The following CACNB2 variants were observed in gnomAD, a reference collection of about 807,000 sequenced individuals.
The protein encoded by CACNB2 is voltage-dependent L-type calcium channel subunit beta-2.
A neutral mutation model predicts 73.3 loss-of-function variants in CACNB2; 42 were observed. That is an observed-to-expected ratio of 0.57 (90% CI 0.45 to 0.74). The LOEUF (loss-of-function observed/expected upper bound fraction) is 0.74. CACNB2 is among the 30% of genes least tolerant of loss of function. The probability of loss-of-function intolerance (pLI) is 0.00; values close to 1 mark genes in which losing one functional copy is unlikely to be tolerated. For synonymous variants in CACNB2, 348 were observed against 310.3 expected, an observed-to-expected ratio of 1.12 and a Z score of -1.28; for missense variants, 940 against 853.0, an observed-to-expected ratio of 1.10 and a Z score of -1.27.
chr10:18,181,761 CA>C (rs1385293655), intron 2 of CACNB2: 4 of 150,942 alleles, frequency 2.7e-5, no homozygotes, highest in African/African-American at 9.8e-5. Context: ...ACTATGGGCG[CA>C]TGCAACTATA....
At chr10:18,225,716 G>A (rs558331845) in intron 2 of CACNB2, among the ~76,000 whole-genome samples, 106 of 151,468 alleles carry the variant, frequency 7.0e-4, no homozygotes, top group South Asian at 2.1e-4. Flanking sequence ...CATAGCTCAC[G>A]GCAACCTCCA....
intron 2 of CACNB2, among the ~76,000 whole-genome samples, chr10:18,241,924 T>C (rs1417105479): frequency 6.6e-6 from 1 of 152,114 alleles, no homozygotes; most frequent in Admixed American, 6.6e-5. Context: ...ATCTTGGTTA[T>C]ATTCAAGTCA....
At chr10:18,240,307 A>G (rs1041570251) in intron 2 of CACNB2, among the ~76,000 whole-genome samples, 3 of 152,160 alleles carry the variant, frequency 2.0e-5, no homozygotes, top group East Asian at 1.9e-4. Context: ...ATCGCTAAAC[A>G]TCTTTTCTTC....
chr10:18,539,634 G>A lies in CACNB2; in HGVS notation c.1893G>A (p.Lys631=), dbSNP rs757610366. The A allele has an allele frequency of 3.1e-6, 5 of 1,613,374 alleles. No individual in the cohort carries two copies. Among genetic ancestry groups the A allele is most frequent in the Non-Finnish European group, 3.4e-6 (4 of 1,179,848 alleles). ...AGCAGCGCAGCCGTCATAAATCCAA[G>A]GATCGCTACTGTGAAAAGGATGGAG... ...CNKQRSRHKS[K]DRYCEKDGEV... Residue 631 remains lysine, a synonymous_variant, in exon 14 of 14, where the codon AAG becomes AAA. Coordinates refer to ENST00000324631, the MANE Select transcript of CACNB2 (RefSeq NM_201596.3).
chr10:18,332,773 CATT>C (rs2132025846), intron 2 of CACNB2, among the ~76,000 whole-genome samples: 1 of 152,286 alleles, frequency 6.6e-6, no homozygotes, highest in Admixed American at 6.5e-5. Context: ...AATATTGAAA[CATT>C]ATACATAATA....
intron 10 of CACNB2, among the ~76,000 whole-genome samples, chr10:18,529,258 A>G (rs2052763898): frequency 6.6e-6 from 1 of 152,138 alleles, no homozygotes; most frequent in Non-Finnish European, 1.5e-5. Context: ...TTTTACAACT[A>G]CTGATTATAC....
At chr10:18,220,727 C>A (rs1475274280) in intron 2 of CACNB2, among the ~76,000 whole-genome samples, 1 of 152,124 alleles carries the variant, frequency 6.6e-6, no homozygotes, top group Non-Finnish European at 1.5e-5. Flanking sequence ...TCAGCAGCAG[C>A]ATCAGATTCT....
At chr10:18,443,201 C>T (rs1211817183) in intron 3 of CACNB2, among the ~76,000 whole-genome samples, 1 of 151,616 alleles carries the variant, frequency 6.6e-6, no homozygotes, top group Non-Finnish European at 1.5e-5. Context: ...AATTCAGTGC[C>T]TGAATGCTGA....
At chr10:18,519,981 AC>A (rs2051688309) in intron 9 of CACNB2, 1 of 321,196 alleles carries the variant, frequency 3.1e-6, no homozygotes, top group East Asian at 9.2e-5. Flanking sequence ...CTTCTATCAC[AC>A]TGACTGCTCC....
intron 2 of CACNB2, among the ~76,000 whole-genome samples, chr10:18,363,412 C>T (rs565192917): frequency 3.9e-5 from 6 of 152,324 alleles, no homozygotes; most frequent in African/African-American, 1.4e-4. Context: ...ATCCTGTCGC[C>T]CCATGGGGCC....
intron 2 of CACNB2, among the ~76,000 whole-genome samples, chr10:18,325,467 G>A (rs1466659151): frequency 6.6e-6 from 1 of 151,902 alleles, no homozygotes; most frequent in African/African-American, 2.4e-5. Flanking sequence ...AGTTGCTGGT[G>A]TTACAGGCTT....
intron 2 of CACNB2, among the ~76,000 whole-genome samples, chr10:18,266,648 C>G (rs2037816224): frequency 6.6e-6 from 1 of 152,032 alleles, no homozygotes; most frequent in Non-Finnish European, 1.5e-5. Flanking sequence ...CAGCACTTTG[C>G]TAGGCCGAGA....
At chr10:18,141,040 C>G in intron 1 of CACNB2, 184 bp downstream of exon 1, 9 of 1,544,154 alleles carry the variant, frequency 5.8e-6, no homozygotes, top group Non-Finnish European at 7.9e-6. Context: ...TTTCCTGGCT[C>G]TGCCTCGGCT....
At chr10:18,482,604 G>A (rs912612501) in intron 3 of CACNB2, among the ~76,000 whole-genome samples, 5 of 152,216 alleles carry the variant, frequency 3.3e-5, no homozygotes, top group Admixed American at 6.5e-5. Flanking sequence ...TCCACCTCCC[G>A]GGTTCAAGCG....
In CACNB2 at chr10:18,492,057, C is replaced by G. The variant is rs181106329; in HGVS notation, c.334-6298C>G. The stretch of plus-strand genomic sequence containing the variant: ...GGGGAGGCCTCAGGAGACTTACAGT[C>G]GTCTAGGAAGGTGAAGGGAAAGCAG... On this transcript the variant is annotated intron_variant, in intron 3 of 13. Transcript: ENST00000324631. Among the ~76,000 whole-genome samples the G allele has an allele frequency of 1.9e-3, 291 of 152,174 alleles. 1 individual carries two copies. The highest frequency in any genetic ancestry group is 1.7e-3 in the Non-Finnish European group (118 of 68,014).
chr10:18,319,296 A>G (rs569313183), intron 2 of CACNB2, among the ~76,000 whole-genome samples: 1 of 152,338 alleles, frequency 6.6e-6, no homozygotes, highest in Admixed American at 6.5e-5. Context: ...TGTCCTTTTC[A>G]GGGACATGGA....
At chr10:18,405,913 T>A (rs1211081423) in intron 3 of CACNB2, among the ~76,000 whole-genome samples, 2 of 152,000 alleles carry the variant, frequency 1.3e-5, no homozygotes, top group African/African-American at 4.8e-5. Flanking sequence ...AGCTGAGATC[T>A]CTTGCTCTCA....
At chr10:18,247,617 T>C (rs2036919515) in intron 2 of CACNB2, among the ~76,000 whole-genome samples, 1 of 152,162 alleles carries the variant, frequency 6.6e-6, no homozygotes, top group Admixed American at 6.6e-5. Flanking sequence ...AATAACTTTG[T>C]CTAAGTCCAT....
At chr10:18,493,821 A>G (rs2049610272) in intron 3 of CACNB2, among the ~76,000 whole-genome samples, 1 of 152,198 alleles carries the variant, frequency 6.6e-6, no homozygotes, top group Non-Finnish European at 1.5e-5. Flanking sequence ...AAGTGAGACC[A>G]GGGAATCAGA....
Sources: allele counts gnomAD v4.1 joint callset (sites outside exome capture counted in the v4.1 genomes callset), GRCh38; gene constraint gnomAD v4.1.1; transcripts MANE v1.5; gene names NCBI Gene and HGNC (gene_info 2026-07-23, HGNC 2026-07-21).